Variants in PSMA5 observed in about 807,000 individuals in gnomAD.
PSMA5 encodes the protein proteasome subunit alpha type-5.
A neutral mutation model predicts 34.5 loss-of-function variants in PSMA5; 3 were observed. The observed-to-expected ratio is 0.09, with a 90% CI of 0.04 to 0.22. The LOEUF (loss-of-function observed/expected upper bound fraction) is 0.22, where lower values mean the gene tolerates loss of function less well. Among genes scored for constraint, PSMA5 ranks in the 10% least tolerant of loss-of-function variants. The pLI is 1.00. For synonymous variants in PSMA5, 88 were observed against 95.8 expected, an observed-to-expected ratio of 0.92 and a Z score of 0.47; for missense variants, 120 against 286.1, an observed-to-expected ratio of 0.42 and a Z score of 4.19.
chr1:109,414,807 T>C, intron 3 of PSMA5: 1 of 154,204 alleles, frequency 6.5e-6, no homozygotes, highest in Non-Finnish European at 1.4e-5. Flanking sequence ...GTAGAATTAC[T>C]CACCCTGTAA....
chr1:109,423,463 CCT>C (rs1364099666), intron 1 of PSMA5, among the ~76,000 whole-genome samples: 4 of 152,212 alleles, frequency 2.6e-5, no homozygotes, highest in Non-Finnish European at 5.9e-5. Context: ...ACCAGTTTCA[CCT>C]CTTTCCTAAC....
intron 7 of PSMA5, 77 bp downstream of exon 7, chr1:109,410,934 T>A (rs1367576290): frequency 1.8e-6 from 2 of 1,125,978 alleles, no homozygotes; most frequent in Non-Finnish European, 1.3e-6. Flanking sequence ...ACTGAACTCT[T>A]AAGGTTTGCA....
intron 1 of PSMA5, chr1:109,425,355 G>T (rs932997975): frequency 3.3e-5 from 5 of 152,162 alleles, no homozygotes; most frequent in African/African-American, 1.2e-4. Flanking sequence ...ACCCGAAGAT[G>T]ATTCTCTTCA....
rs1654657998 is a variant in PSMA5, at chr1:109,426,307, G to A, written c.24C>T (p.Tyr8=). ...CGTCCCCCAGCTGCACGGACCTGTC[G>A]TACTCAGACCGGGTAAGAAACATGG... MFLTRSE[Y]DRGVNTFSPE... is the part of the protein sequence containing the mutation. The change falls in exon 1 of 9, where the codon TAC becomes TAT. Residue 8 remains tyrosine (Y), a synonymous_variant. Coordinates refer to ENST00000271308, the MANE Select transcript of PSMA5 (RefSeq NM_002790.4). 1.2e-6 allele frequency: 2 copies of A among 1,613,840 alleles called. No homozygotes were observed. Among genetic ancestry groups the A allele is most frequent in the African/African-American group, 2.7e-5 (2 of 74,886 alleles).
intron 8 of PSMA5, among the ~76,000 whole-genome samples, chr1:109,405,558 C>T (rs1653723896): frequency 6.6e-6 from 1 of 151,664 alleles, no homozygotes; most frequent in South Asian, 2.1e-4. Flanking sequence ...ATGCCTCAGC[C>T]TCCCAAGTAC....
At chr1:109,425,674 G>A (rs1654625748) in intron 1 of PSMA5, 1 of 152,744 alleles carries the variant, frequency 6.5e-6, no homozygotes, top group South Asian at 2.0e-4. Context: ...TTAATATTGT[G>A]AACATTTTCA....
At chr1:109,411,993 G>C in intron 5 of PSMA5, 58 bp from the exon 6 acceptor site, 2 of 1,588,294 alleles carry the variant, frequency 1.3e-6, no homozygotes, top group Non-Finnish European at 1.7e-6. Context: ...GGAGGTGAGA[G>C]GGGCTGGGAA....
At chr1:109,420,462 G>A (rs1347574261) in intron 2 of PSMA5, among the ~76,000 whole-genome samples, 2 of 152,190 alleles carry the variant, frequency 1.3e-5, no homozygotes, top group Non-Finnish European at 2.9e-5. Flanking sequence ...TGTTGCCTCT[G>A]AAAAGCTGAA....
chr1:109,419,336 G>A (rs780428477), intron 2 of PSMA5, among the ~76,000 whole-genome samples: 2 of 152,112 alleles, frequency 1.3e-5, no homozygotes, highest in Non-Finnish European at 2.9e-5. Context: ...AGAACAACCA[G>A]TCCAGACTGG....
Position 109,401,798 on chromosome 1 carries a change from T to TAAAAAA in PSMA5, c.*209_*214dup, listed in dbSNP as rs11314171. The TAAAAAA allele has an allele frequency of 1.5e-5, 3 of 203,728 alleles. No homozygotes were observed. Among genetic ancestry groups the TAAAAAA allele is most frequent in the Non-Finnish European group, 2.7e-5 (3 of 111,530 alleles). The allele number at this position is 203,728 out of a possible 1,614,324, so 12.6% of individuals were successfully genotyped here. ...GGCAATATAGTGAGACCTCATCTCT[T>TAAAAAA]AAAAAAAAAAAAAAAAAAAAGACTA... On this transcript the variant is annotated 3_prime_UTR_variant, in exon 9 of 9. Coordinates refer to ENST00000271308, the MANE Select transcript of PSMA5 (RefSeq NM_002790.4).
chr1:109,415,874 A>G (rs561830682), intron 2 of PSMA5, among the ~76,000 whole-genome samples: 1 of 152,282 alleles, frequency 6.6e-6, no homozygotes. Flanking sequence ...CTGACCTCCA[A>G]AAAAGTAATA....
intron 8 of PSMA5, among the ~76,000 whole-genome samples, chr1:109,409,090 G>A (rs909589524): frequency 3.9e-5 from 6 of 152,198 alleles, no homozygotes; most frequent in East Asian, 1.9e-4. Flanking sequence ...ATCTTCTGCT[G>A]ACACTAATCA....
intron 3 of PSMA5, among the ~76,000 whole-genome samples, chr1:109,413,772 C>T (rs886586767): frequency 3.9e-5 from 6 of 152,196 alleles, no homozygotes; most frequent in African/African-American, 1.4e-4. Flanking sequence ...ACTCATTTCC[C>T]TTCCAGACCC....
intron 1 of PSMA5, 116 bp downstream of exon 1, chr1:109,426,186 C>G: frequency 7.1e-7 from 1 of 1,402,968 alleles, no homozygotes; most frequent in Non-Finnish European, 1.0e-6. Flanking sequence ...ATCCCCAGGT[C>G]CGGCCAGTCT....
intron 1 of PSMA5, chr1:109,425,315 A>G (rs1410636461): frequency 6.6e-6 from 1 of 152,246 alleles, no homozygotes; most frequent in Non-Finnish European, 1.5e-5. Flanking sequence ...AACAATTTCT[A>G]TCATACACAC....
chr1:109,410,128 T>C, intron 7 of PSMA5, 114 bp from the exon 8 acceptor site: 1 of 693,412 alleles, frequency 1.4e-6, no homozygotes, highest in Non-Finnish European at 2.5e-6. Context: ...GTCAAACATC[T>C]TACTTAGTAT....
At chr1:109,406,456 A>G (rs1179265050) in intron 8 of PSMA5, among the ~76,000 whole-genome samples, 2 of 152,200 alleles carry the variant, frequency 1.3e-5, no homozygotes, top group African/African-American at 2.4e-5. Context: ...CCAATTACTC[A>G]GGAGGCTGAG....
chr1:109,404,180 C>T (rs956618889), intron 8 of PSMA5, among the ~76,000 whole-genome samples: 2 of 151,924 alleles, frequency 1.3e-5, no homozygotes, highest in Non-Finnish European at 2.9e-5. Flanking sequence ...AATAATTAGT[C>T]GGGCATGGTG....
Position 109,420,733 on chromosome 1 carries a change from T to C in PSMA5, c.96+1127A>G, listed in dbSNP as rs78016077. 7.4e-3 allele frequency among the ~76,000 whole-genome samples: 1,132 copies of C among 152,256 alleles called. 36 individuals are homozygous for C. The highest frequency in any genetic ancestry group is 0.069 in the East Asian group (357 of 5,172). The stretch of plus-strand genomic sequence containing the variant: ...TTTTATCTAGAAGAGTGATTCTCAA[T>C]TGGGGGCCCTTTTGTCCCCACCAGA... On this transcript the variant is annotated intron_variant, in intron 2 of 8. Transcript: ENST00000271308.
Sources: allele counts gnomAD v4.1 joint callset (sites outside exome capture counted in the v4.1 genomes callset), GRCh38; gene constraint gnomAD v4.1.1; transcripts MANE v1.5; gene names NCBI Gene and HGNC (gene_info 2026-07-23, HGNC 2026-07-21).